ZFAT: variants seen among roughly 807,000 people sequenced by gnomAD.
ZFAT encodes the protein zinc finger protein ZFAT.
ZFAT carries 64 observed loss-of-function variants against 117.7 expected under a neutral mutation model. That is an observed-to-expected ratio of 0.54 (90% confidence interval 0.44 to 0.67). The LOEUF (loss-of-function observed/expected upper bound fraction) is 0.67, where lower values mean the gene tolerates loss of function less well. ZFAT is among the 30% of genes least tolerant of loss of function. The pLI is 0.00. For missense variants in ZFAT, 1,433 were observed against 1,584.5 expected, an observed-to-expected ratio of 0.90 and a Z score of 1.62; for synonymous variants, 679 against 615.0, an observed-to-expected ratio of 1.10 and a Z score of -1.54.
In ZFAT at chr8:134,488,473, C is replaced by A. The variant is rs116541684; in HGVS notation, c.3493-9752G>T. Among the ~76,000 whole-genome samples the A allele has an allele frequency of 3.9e-3, 590 of 152,312 alleles. 6 individuals are homozygous for A. Among genetic ancestry groups the A allele is most frequent in the African/African-American group, 0.013 (560 of 41,564 alleles). ...TCGAGGTGGCCTCTGTGTTTAGACA[C>A]CGCTAAGAGATGGGCCATTTGTTGA... On this transcript the variant is annotated intron_variant, in intron 15 of 15. Coordinates refer to ENST00000377838, the MANE Select transcript of ZFAT (RefSeq NM_020863.4).
At chr8:134,555,232 G>C (rs911374676) in intron 11 of ZFAT, among the ~76,000 whole-genome samples, 4 of 151,374 alleles carry the variant, frequency 2.6e-5, no homozygotes, top group Non-Finnish European at 5.9e-5. Context: ...CTGTCAACCA[G>C]AGATGCTCGT....
At chr8:134,531,403 T>C (rs1821390946) in intron 12 of ZFAT, among the ~76,000 whole-genome samples, 1 of 152,212 alleles carries the variant, frequency 6.6e-6, no homozygotes, top group Admixed American at 6.5e-5. Flanking sequence ...ACATGGGGCA[T>C]TGGCGTGGGT....
chr8:134,594,539 T>C (rs551856430), intron 7 of ZFAT, among the ~76,000 whole-genome samples: 2 of 152,332 alleles, frequency 1.3e-5, no homozygotes, highest in East Asian at 3.9e-4. Flanking sequence ...TAAACATTTG[T>C]TGAGAGACCA....
the ZFAT span, chr8:134,783,905 A>G: frequency 6.6e-6 from 1 of 152,334 alleles, no homozygotes; most frequent in South Asian, 2.1e-4. Flanking sequence ...TTGGTGTCCA[A>G]GGTTTTTATT....
the ZFAT span, among the ~76,000 whole-genome samples, chr8:134,783,091 CAT>C: frequency 6.6e-6 from 1 of 152,062 alleles, no homozygotes; most frequent in East Asian, 1.9e-4. Context: ...TTTTAAGTCA[CAT>C]AAATAATACA....
At chr8:134,650,079 A>G (rs926718817) in intron 2 of ZFAT, among the ~76,000 whole-genome samples, 2 of 151,520 alleles carry the variant, frequency 1.3e-5, no homozygotes, top group Non-Finnish European at 2.9e-5. Flanking sequence ...CTCCTCAGCA[A>G]TGAGGAACTA....
chr8:134,606,024 G>C (rs1827866261), intron 5 of ZFAT, among the ~76,000 whole-genome samples: 4 of 152,222 alleles, frequency 2.6e-5, no homozygotes. Context: ...AGACATTTGA[G>C]CAGAAAGCTG....
In ZFAT at chr8:134,653,270, T is replaced by TTAAAAAAA. The variant is rs1554615159; in HGVS notation, c.196+4290_196+4291insTTTTTTTA. The stretch of plus-strand genomic sequence containing the variant: ...TTGGAACCAACCCAAATGTCTTTTT[T>TTAAAAAAA]AAAAAAAAAAAAAAAAAAAAACAAA... On this transcript the variant is annotated intron_variant, in intron 2 of 15. Coordinates refer to ENST00000377838, the MANE Select transcript of ZFAT (RefSeq NM_020863.4). Among the ~76,000 whole-genome samples, 9 of 91,886 alleles carry TTAAAAAAA rather than the reference T, an allele frequency of 9.8e-5. 1 individual carries two copies. The highest frequency in any genetic ancestry group is 3.7e-4 in the East Asian group (1 of 2,700). 60.3% of individuals were successfully genotyped at this position (91,886 alleles called of 152,430 possible).
intron 13 of ZFAT, among the ~76,000 whole-genome samples, chr8:134,515,690 T>C (rs1820205442): frequency 6.6e-6 from 1 of 152,240 alleles, no homozygotes; most frequent in Non-Finnish European, 1.5e-5. Flanking sequence ...AAGTTCCTTG[T>C]AGATTCTGGA....
At chr8:134,495,320 G>A (rs1196677426) in intron 15 of ZFAT, among the ~76,000 whole-genome samples, 2 of 152,120 alleles carry the variant, frequency 1.3e-5, no homozygotes, top group Non-Finnish European at 2.9e-5. Flanking sequence ...GAAAGAGAGA[G>A]ATCAAGCTCT....
At chr8:134,710,429 C>T (rs1411500316) in intron 1 of ZFAT, among the ~76,000 whole-genome samples, 1 of 152,180 alleles carries the variant, frequency 6.6e-6, no homozygotes, top group Non-Finnish European at 1.5e-5. Flanking sequence ...GTTTCAAAAC[C>T]GCTTAGGTGG....
chr8:134,653,341 A>T (rs2439812), intron 2 of ZFAT, among the ~76,000 whole-genome samples: 13,954 of 145,312 alleles, frequency 0.096, 977 homozygotes, highest in East Asian at 0.3. Flanking sequence ...CAGTGGTGCA[A>T]TCACAGCTCA....
At chr8:134,534,181 T>C (rs890804934) in intron 11 of ZFAT, among the ~76,000 whole-genome samples, 1 of 152,266 alleles carries the variant, frequency 6.6e-6, no homozygotes, top group Non-Finnish European at 1.5e-5. Flanking sequence ...CTCATGCCCA[T>C]GTCATAAGGT....
At chr8:134,807,682 G>A in the ZFAT span, among the ~76,000 whole-genome samples, 4 of 149,098 alleles carry the variant, frequency 2.7e-5, no homozygotes, top group Admixed American at 6.7e-5. Flanking sequence ...ACCAGAAACC[G>A]ACCATGGAGC....
At chr8:134,764,788 C>T in the ZFAT span, 1 of 152,204 alleles carries the variant, frequency 6.6e-6, no homozygotes, top group East Asian at 1.9e-4. Context: ...AGTGGACTTT[C>T]CAAGTTGGAG....
intron 1 of ZFAT, among the ~76,000 whole-genome samples, chr8:134,688,312 T>C (rs921128656): frequency 1.3e-5 from 2 of 152,074 alleles, no homozygotes; most frequent in African/African-American, 4.8e-5. Context: ...ACATAAAACA[T>C]ATACATGCGC....
At chr8:134,697,455 CGGT>C (rs1833896232) in intron 1 of ZFAT, among the ~76,000 whole-genome samples, 2 of 144,744 alleles carry the variant, frequency 1.4e-5, no homozygotes, top group African/African-American at 2.5e-5. Flanking sequence ...CAGCCTGGCG[CGGT>C]GGCTCACGCC....
chr8:134,655,156 T>C (rs1831519543), intron 2 of ZFAT, among the ~76,000 whole-genome samples: 1 of 151,678 alleles, frequency 6.6e-6, no homozygotes, highest in Non-Finnish European at 1.5e-5. Flanking sequence ...GAGAGGGGCA[T>C]GGGGGACGGT....
the ZFAT span, among the ~76,000 whole-genome samples, chr8:134,815,354 C>G: frequency 6.6e-6 from 1 of 152,100 alleles, no homozygotes; most frequent in Non-Finnish European, 1.5e-5. Context: ...TAGAGACTTG[C>G]TGGGATTTTT....
Sources: gnomAD v4.1 joint callset for allele counts (sites outside exome capture counted in the v4.1 genomes callset) on GRCh38, gnomAD v4.1.1 for gene constraint, MANE v1.5 for transcripts, NCBI Gene and HGNC (gene_info 2026-07-23, HGNC 2026-07-21) for gene names.